The following SLC25A13 variants were observed in gnomAD, a reference collection of about 807,000 sequenced individuals.
The protein encoded by SLC25A13 is solute carrier family 25 member 13, also known as electrogenic aspartate/glutamate antiporter SLC25A13, mitochondrial.
SLC25A13 carries 70 observed loss-of-function variants against 85.5 expected under a neutral mutation model. The ratio of observed to expected loss-of-function variants is 0.82; its 90% CI spans 0.68 to 1.00. The LOEUF (loss-of-function observed/expected upper bound fraction) is 1.00. Ranked by LOEUF, SLC25A13 falls within the 50% of genes least tolerant of loss-of-function variation. The probability of loss-of-function intolerance (pLI) is 0.00; values close to 1 mark genes in which losing one functional copy is unlikely to be tolerated. For synonymous variants in SLC25A13, 259 were observed against 288.7 expected, an observed-to-expected ratio of 0.90 and a Z score of 1.04; for missense variants, 765 against 819.8, an observed-to-expected ratio of 0.93 and a Z score of 0.82.
At chr7:96,125,649 C>T (rs917364736) in intron 15 of SLC25A13, among the ~76,000 whole-genome samples, 6 of 152,000 alleles carry the variant, frequency 3.9e-5, no homozygotes, top group Non-Finnish European at 5.9e-5. Flanking sequence ...CTAGGGAACT[C>T]CTATGAAACA....
At chr7:96,135,168 TGAAAGTCC>T (rs2116441518) in intron 14 of SLC25A13, among the ~76,000 whole-genome samples, 1 of 152,244 alleles carries the variant, frequency 6.6e-6, no homozygotes, top group East Asian at 1.9e-4. Flanking sequence ...GTAATATGTG[TGAAAGTCC>T]TTGTAAGGTA....
chr7:96,145,985 C>T (rs1375041726), intron 14 of SLC25A13, among the ~76,000 whole-genome samples: 2 of 151,884 alleles, frequency 1.3e-5, no homozygotes, highest in African/African-American at 2.4e-5. Flanking sequence ...TTGATAAAGC[C>T]TTATAGGTTG....
intron 13 of SLC25A13, among the ~76,000 whole-genome samples, chr7:96,164,130 T>A (rs1793639919): frequency 6.6e-6 from 1 of 152,210 alleles, no homozygotes; most frequent in African/African-American, 2.4e-5. Flanking sequence ...TATAACCTGT[T>A]TTAACAAACA....
chr7:96,138,497 G>A (rs1480938389), intron 14 of SLC25A13, among the ~76,000 whole-genome samples: 1 of 151,074 alleles, frequency 6.6e-6, no homozygotes, highest in Non-Finnish European at 1.5e-5. Context: ...CTGGGCTCAA[G>A]TGCTCTTCCC....
intron 3 of SLC25A13, among the ~76,000 whole-genome samples, chr7:96,273,699 T>A (rs1798332396): frequency 6.6e-6 from 1 of 152,220 alleles, no homozygotes; most frequent in Non-Finnish European, 1.5e-5. Context: ...GATTGTGTGC[T>A]CACCATATTC....
At chr7:96,147,658 T>C (rs991004394) in intron 13 of SLC25A13, among the ~76,000 whole-genome samples, 1 of 152,202 alleles carries the variant, frequency 6.6e-6, no homozygotes, top group African/African-American at 2.4e-5. Context: ...GGATGGCCTT[T>C]GAAGTATTAT....
intron 4 of SLC25A13, among the ~76,000 whole-genome samples, chr7:96,228,596 C>G (rs1036020503): frequency 1.3e-5 from 2 of 152,222 alleles, no homozygotes; most frequent in Non-Finnish European, 2.9e-5. Flanking sequence ...TCGGCCTCGG[C>G]GCCCACTCTG....
intron 4 of SLC25A13, among the ~76,000 whole-genome samples, chr7:96,229,956 C>A (rs1334204958): frequency 2.0e-5 from 3 of 152,212 alleles, no homozygotes; most frequent in Non-Finnish European, 2.9e-5. Flanking sequence ...TTAGCAAGCT[C>A]TACTGAAGCT....
intron 2 of SLC25A13, among the ~76,000 whole-genome samples, chr7:96,293,778 C>T (rs1799225110): frequency 6.6e-6 from 1 of 152,152 alleles, no homozygotes; most frequent in Admixed American, 6.5e-5. Flanking sequence ...AGTCAGGAAA[C>T]AACAGGAGCT....
At chr7:96,123,249 CT>C (rs1791589089) in intron 15 of SLC25A13, among the ~76,000 whole-genome samples, 1 of 152,122 alleles carries the variant, frequency 6.6e-6, no homozygotes, top group Non-Finnish European at 1.5e-5. Context: ...ATTATTTTAA[CT>C]TTGGGCCAGG....
At chr7:96,291,918 A>T (rs1256718082) in intron 2 of SLC25A13, among the ~76,000 whole-genome samples, 1 of 152,222 alleles carries the variant, frequency 6.6e-6, no homozygotes, top group Non-Finnish European at 1.5e-5. Flanking sequence ...ATCCTCCCTA[A>T]CTCATTTTAT....
At chr7:96,135,525 G>A (rs975885970) in intron 14 of SLC25A13, among the ~76,000 whole-genome samples, 1 of 152,194 alleles carries the variant, frequency 6.6e-6, no homozygotes, top group African/African-American at 2.4e-5. Context: ...AAGACTTAAA[G>A]TTCTAAGGGG....
At chr7:96,276,803 C>T (rs765278675) in intron 3 of SLC25A13, among the ~76,000 whole-genome samples, 15 of 151,986 alleles carry the variant, frequency 9.9e-5, no homozygotes, top group Admixed American at 2.0e-4. Context: ...TTTTTAAAGG[C>T]GATTTGCTCA....
chr7:96,185,895 A>G (rs1182505984), intron 9 of SLC25A13, among the ~76,000 whole-genome samples: 2 of 151,558 alleles, frequency 1.3e-5, no homozygotes, highest in Non-Finnish European at 2.9e-5. Context: ...GTGAGACTGT[A>G]TCAAAAAAAT....
intron 3 of SLC25A13, among the ~76,000 whole-genome samples, chr7:96,253,838 C>T (rs531778638): frequency 6.6e-6 from 1 of 152,190 alleles, no homozygotes; most frequent in South Asian, 2.1e-4. Context: ...TAATGTAAAC[C>T]TTAAAAGCAC....
intron 2 of SLC25A13, among the ~76,000 whole-genome samples, chr7:96,282,498 C>A (rs1798728003): frequency 6.6e-6 from 1 of 152,060 alleles, no homozygotes; most frequent in Non-Finnish European, 1.5e-5. Flanking sequence ...CCATCCTTTA[C>A]TTTGATTCCC....
At chr7:96,281,985 G>A (rs1289129882) in intron 2 of SLC25A13, among the ~76,000 whole-genome samples, 1 of 152,084 alleles carries the variant, frequency 6.6e-6, no homozygotes, top group Non-Finnish European at 1.5e-5. Flanking sequence ...CTGCAGCAGT[G>A]AGCAGAGGGT....
At chr7:96,225,542 A>G (rs957410063) in intron 4 of SLC25A13, among the ~76,000 whole-genome samples, 30 of 151,932 alleles carry the variant, frequency 2.0e-4, no homozygotes, top group African/African-American at 7.0e-4. Context: ...AGAAAAAAAA[A>G]AAAGAAAGAA....
intron 12 of SLC25A13, 21 bp downstream of exon 12, chr7:96,171,451 G>C (rs1336166437): frequency 1.2e-6 from 2 of 1,605,608 alleles, no homozygotes; most frequent in Admixed American, 3.3e-5. Flanking sequence ...TTAATAAGAA[G>C]CACCAACTCA....
Sources: gnomAD v4.1 joint callset for allele counts (sites outside exome capture counted in the v4.1 genomes callset) on GRCh38, gnomAD v4.1.1 for gene constraint, MANE v1.5 for transcripts, NCBI Gene and HGNC (gene_info 2026-07-23, HGNC 2026-07-21) for gene names.